The following FBXL17 variants were observed in gnomAD, a reference collection of about 807,000 sequenced individuals.
The protein encoded by FBXL17 is F-box and leucine rich repeat protein 17, also known as F-box/LRR-repeat protein 17.
In FBXL17, 22 loss-of-function variants were observed where a neutral mutation model predicts 66.2. The ratio of observed to expected loss-of-function variants is 0.33; its 90% confidence interval spans 0.24 to 0.47. The LOEUF (loss-of-function observed/expected upper bound fraction) is 0.47. Among genes scored for constraint, FBXL17 ranks in the 20% least tolerant of loss-of-function variants. The pLI, the probability that FBXL17 is intolerant of heterozygous loss-of-function variation, is 1.00. For synonymous variants in FBXL17, 474 were observed against 400.5 expected (o/e 1.18, Z -2.19); for missense variants, 878 against 948.2 (o/e 0.93, Z 0.97).
chr5:108,053,966 A>G (rs1250435013), intron 6 of FBXL17, among the ~76,000 whole-genome samples: 1 of 152,236 alleles, frequency 6.6e-6, no homozygotes, highest in African/African-American at 2.4e-5. Flanking sequence ...TGGCAGGGAC[A>G]TGGATGAAGC....
chr5:108,050,873 G>A (rs768628664), intron 6 of FBXL17, among the ~76,000 whole-genome samples: 2 of 151,970 alleles, frequency 1.3e-5, no homozygotes, highest in Non-Finnish European at 2.9e-5. Flanking sequence ...TATATTTGAT[G>A]AAATCAAATA....
chr5:108,048,673 A>G (rs566163395), intron 6 of FBXL17, among the ~76,000 whole-genome samples: 1 of 152,334 alleles, frequency 6.6e-6, no homozygotes, highest in Admixed American at 6.5e-5. Flanking sequence ...ACAAGTATCA[A>G]TAGCTGAATC....
rs1368583832 is a variant in FBXL17 at position 107,972,226 on chromosome 5, TATTTACA to T, written c.1822+48692_1822+48698del. ...GAAAAGAGAAAACAAAAAGTGTACTTATTTACAGAGAGGCAAACAGTAAACAAAATTG... is the reference window on the plus strand; with the variant it reads ...GAAAAGAGAAAACAAAAAGTGTACTTGAGAGGCAAACAGTAAACAAAATTG... On this transcript the variant is annotated intron_variant, in intron 7 of 8. Coordinates refer to ENST00000542267, the MANE Select transcript of FBXL17 (RefSeq NM_001163315.3). Among the ~76,000 whole-genome samples the T allele has an allele frequency of 1.2e-4, 18 of 152,376 alleles. No homozygotes were observed. The East Asian group carries it at 3.5e-3, about 29-fold the overall frequency.
At chr5:108,317,761 T>C (rs1292227531) in intron 4 of FBXL17, among the ~76,000 whole-genome samples, 2 of 151,382 alleles carry the variant, frequency 1.3e-5, no homozygotes, top group African/African-American at 4.8e-5. Flanking sequence ...TAAATATCTA[T>C]CCCAAGACCT....
chr5:108,043,036 T>C (rs1252819414), intron 6 of FBXL17, among the ~76,000 whole-genome samples: 1 of 152,232 alleles, frequency 6.6e-6, no homozygotes, highest in East Asian at 1.9e-4. Context: ...ATATCATCAG[T>C]GAAATGTCTA....
chr5:108,223,643 G>T (rs1754969593), intron 5 of FBXL17, among the ~76,000 whole-genome samples: 1 of 152,066 alleles, frequency 6.6e-6, no homozygotes, highest in African/African-American at 2.4e-5. Flanking sequence ...CTAAAAATAT[G>T]AAATTTCATA....
intron 6 of FBXL17, among the ~76,000 whole-genome samples, chr5:108,040,000 T>C (rs772426364): frequency 1.8e-4 from 28 of 152,102 alleles, no homozygotes; most frequent in Non-Finnish European, 2.8e-4. Context: ...GGAAACAAAA[T>C]AGAAAAGTTT....
chr5:108,355,374 C>G (rs937928032), intron 3 of FBXL17, among the ~76,000 whole-genome samples: 1 of 151,746 alleles, frequency 6.6e-6, no homozygotes, highest in Non-Finnish European at 1.5e-5. Flanking sequence ...CTGCAACCTC[C>G]GCCTCCCAGG....
chr5:108,163,901 C>A (rs1001438223), intron 6 of FBXL17, among the ~76,000 whole-genome samples: 1 of 152,134 alleles, frequency 6.6e-6, no homozygotes, highest in African/African-American at 2.4e-5. Flanking sequence ...AAAATAAAGT[C>A]TTTATTGGTT....
intron 4 of FBXL17, chr5:108,298,916 G>A: frequency 1.1e-6 from 1 of 938,372 alleles, no homozygotes; most frequent in African/African-American, 1.8e-5. Flanking sequence ...TAAAAGTATA[G>A]CACACTGATT....
In FBXL17 at chr5:108,007,388, A is replaced by G. The variant is rs184574025; in HGVS notation, c.1822+13537T>C. Among the ~76,000 whole-genome samples the G allele has an allele frequency of 4.7e-3, 715 of 152,326 alleles. 6 individuals are homozygous for G. Among genetic ancestry groups the G allele is most frequent in the African/African-American group, 0.014 (593 of 41,576 alleles). ...ATTTGTGAGACAGACTAGAGTCCACACAAATCATATATTACAATCACAAGC... is the reference window on the plus strand; with the variant it reads ...ATTTGTGAGACAGACTAGAGTCCACGCAAATCATATATTACAATCACAAGC... On this transcript the variant is annotated intron_variant, in intron 7 of 8. Coordinates refer to ENST00000542267, the MANE Select transcript of FBXL17 (RefSeq NM_001163315.3).
chr5:108,293,157 C>G lies in FBXL17; in HGVS notation c.1506+55242G>C, dbSNP rs1048600774. Among the ~76,000 whole-genome samples, 3 of 150,752 alleles carry G rather than the reference C, an allele frequency of 2.0e-5. No individual in the cohort carries two copies. The East Asian group carries it at 5.8e-4, about 29-fold the overall frequency. The stretch of plus-strand genomic sequence containing the variant: ...AGAAACAGTATTCCTATATTAGTTT[C>G]TTATTAGTCTGAAAATATGGTTATT... On this transcript the variant is annotated intron_variant, in intron 4 of 8. Transcript: ENST00000542267.
At chr5:108,210,771 G>C (rs978491005) in intron 5 of FBXL17, among the ~76,000 whole-genome samples, 3 of 152,184 alleles carry the variant, frequency 2.0e-5, no homozygotes, top group Admixed American at 6.5e-5. Context: ...GAGGTGCTGA[G>C]AAGAATGTAT....
At chr5:108,252,318 T>C (rs552969636) in intron 4 of FBXL17, among the ~76,000 whole-genome samples, 4 of 152,210 alleles carry the variant, frequency 2.6e-5, no homozygotes, top group African/African-American at 7.2e-5. Flanking sequence ...CTTAAGTGTA[T>C]TCAGAGCAAT....
At chr5:108,125,280 T>C (rs1580476393) in intron 6 of FBXL17, among the ~76,000 whole-genome samples, 2 of 152,180 alleles carry the variant, frequency 1.3e-5, no homozygotes, top group South Asian at 2.1e-4. Context: ...CCCATAAATA[T>C]ATACACCTAC....
chr5:108,381,810 G>A lies in FBXL17; in HGVS notation c.-119C>T. 1 of 1,335,936 alleles carries A rather than the reference G, an allele frequency of 7.5e-7. No homozygotes were observed. Among genetic ancestry groups the A allele is most frequent in the Non-Finnish European group, 9.6e-7 (1 of 1,046,386 alleles). The allele number at this position is 1,335,936 out of a possible 1,614,324, so 82.8% of individuals were successfully genotyped here. ...CCCCCGGAGGGGTCGCCCTTCCTGC[G>A]CACACACACGCACACACGGGCACAC... On this transcript the variant is annotated 5_prime_UTR_variant, in exon 1 of 9. Transcript: ENST00000542267.
intron 6 of FBXL17, among the ~76,000 whole-genome samples, chr5:108,182,291 C>T (rs931724431): frequency 2.0e-5 from 3 of 152,062 alleles, no homozygotes; most frequent in South Asian, 2.1e-4. Flanking sequence ...CATTCCAGTG[C>T]CCTCTATATG....
chr5:107,959,118 C>A (rs565088531), intron 7 of FBXL17, among the ~76,000 whole-genome samples: 1 of 151,936 alleles, frequency 6.6e-6, no homozygotes, highest in African/African-American at 2.4e-5. Flanking sequence ...CTGATGAGTG[C>A]TTGGGCCATG....
chr5:108,342,518 G>C (rs1053740241), intron 4 of FBXL17, among the ~76,000 whole-genome samples: 1 of 152,156 alleles, frequency 6.6e-6, no homozygotes, highest in Non-Finnish European at 1.5e-5. Context: ...TGGTCCATAA[G>C]TGTTTTCAAG....
Sources: gnomAD v4.1 joint callset for allele counts (sites outside exome capture counted in the v4.1 genomes callset) on GRCh38, gnomAD v4.1.1 for gene constraint, MANE v1.5 for transcripts, NCBI Gene and HGNC (gene_info 2026-07-23, HGNC 2026-07-21) for gene names.